Variants in MTOR observed in about 807,000 individuals in gnomAD.
MTOR encodes mechanistic target of rapamycin kinase, also known as serine/threonine-protein kinase mTOR.
A neutral mutation model predicts 319.8 loss-of-function variants in MTOR; 70 were observed. That is an observed-to-expected ratio of 0.22 (90% CI 0.18 to 0.27). The LOEUF is 0.27. MTOR is among the 10% of genes least tolerant of loss of function. The pLI, the probability that MTOR is intolerant of heterozygous loss-of-function variation, is 1.00. For missense variants in MTOR, 1,890 were observed against 3,274.4 expected (o/e 0.58, Z 10.32); for synonymous variants, 1,183 against 1,211.4 (o/e 0.98, Z 0.49).
Position 11,167,454 on chromosome 1 carries a change from G to A in MTOR, c.4317C>T (p.His1439=). The stretch of plus-strand genomic sequence containing the variant: ...ATGAGGTGCTTACCAGCTCTCCAAA[G>A]TGTTTCATGGCATATTCTAACACTC... ...AAGVLEYAMK[H]FGELEIQATW... The change falls in exon 29 of 58, where the codon CAC becomes CAT. Residue 1439 remains histidine (H), a synonymous_variant. Transcript: ENST00000361445. The A allele has an allele frequency of 1.2e-6, 2 of 1,613,366 alleles. No individual in the cohort carries two copies. Among genetic ancestry groups the A allele is most frequent in the East Asian group, 4.5e-5 (2 of 44,874 alleles).
chr1:11,244,961 G>A (rs959865347), intron 8 of MTOR, among the ~76,000 whole-genome samples: 1 of 152,130 alleles, frequency 6.6e-6, no homozygotes, highest in Admixed American at 6.6e-5. Context: ...CTCCTAAGAC[G>A]CATTTCTCAG....
In MTOR at chr1:11,121,949, G is replaced by A. The variant is rs550175353; in HGVS notation, c.6810+30C>T. 4 of 1,611,318 alleles carry A rather than the reference G, an allele frequency of 2.5e-6. No homozygotes were observed. In the South Asian group the frequency reaches 4.4e-5, roughly 18 times the overall value. Reference sequence around the variant, plus strand: ...TACGGAGATTCCCTGCCACGGAAGGGGCACTAGCTCTCGTGGCCGCATCAC... The same window carrying A: ...TACGGAGATTCCCTGCCACGGAAGGAGCACTAGCTCTCGTGGCCGCATCAC... On this transcript the variant is annotated intron_variant, in intron 48 of 57. Coordinates refer to ENST00000361445, the MANE Select transcript of MTOR (RefSeq NM_004958.4). This position sits in a 1 kb window ranked among gnomAD's most constrained non-coding sequence, Gnocchi z 4.9.
intron 10 of MTOR, among the ~76,000 whole-genome samples, chr1:11,241,338 A>C (rs1202284128): frequency 6.6e-6 from 1 of 151,968 alleles, no homozygotes; most frequent in Non-Finnish European, 1.5e-5. Context: ...AAAAAAAAAA[A>C]AAATGAGGCT....
chr1:11,140,371 A>G (rs1643636649), intron 34 of MTOR, among the ~76,000 whole-genome samples: 1 of 152,164 alleles, frequency 6.6e-6, no homozygotes, highest in Non-Finnish European at 1.5e-5. Context: ...CATAAGGAGC[A>G]TGCAACCTGG....
chr1:11,127,788 G>A lies in MTOR; in HGVS notation c.6052C>T (p.Arg2018Ter), dbSNP rs1642915137. 6.2e-7 allele frequency: 1 copy of A among 1,613,278 alleles called. No individual in the cohort carries two copies. The highest frequency in any genetic ancestry group is 8.5e-7 in the Non-Finnish European group (1 of 1,179,674). Residue 2018 changes from arginine (R) to a stop codon, truncating the protein, a stop_gained, in exon 44 of 58, where the codon CGA (arginine) becomes TGA (stop). Coordinates refer to ENST00000361445, the MANE Select transcript of MTOR (RefSeq NM_004958.4). LOFTEE classifies it high-confidence loss of function. The surrounding 1 kb of genome is among the most constrained non-coding windows in gnomAD (Gnocchi z 5.5). ...QAMMVSEELI[R>*]VAILWHEMWH... ...ATCTCATGCCAGAGGATGGCCACTCGGATCAGCTCCTCGCTCACCTGAAGC... is the reference window on the plus strand; with the variant it reads ...ATCTCATGCCAGAGGATGGCCACTCAGATCAGCTCCTCGCTCACCTGAAGC...
intron 54 of MTOR, among the ~76,000 whole-genome samples, chr1:11,110,443 C>T (rs1641802099): frequency 6.6e-6 from 1 of 151,998 alleles, no homozygotes. Context: ...GCTCTTGTTG[C>T]CCAGGCTGGA....
chr1:11,202,510 T>C (rs1398753021), intron 26 of MTOR, among the ~76,000 whole-genome samples: 2 of 151,524 alleles, frequency 1.3e-5, no homozygotes, highest in African/African-American at 4.8e-5. Context: ...ATAGGTACGA[T>C]GTACACTATT....
Position 11,128,668 on chromosome 1 carries a change from T to A in MTOR, c.5812-116A>T, listed in dbSNP as rs1642969838. On this transcript the variant is annotated intron_variant, in intron 41 of 57. Coordinates refer to ENST00000361445, the MANE Select transcript of MTOR (RefSeq NM_004958.4). This position sits in a 1 kb window ranked among gnomAD's most constrained non-coding sequence, Gnocchi z 5.3. Reference sequence around the variant, plus strand: ...CGGTTGATGCTCTGAAATGGTTCATTCCCTTCCCTTTAGTTTCTAAAAGAA... The same window carrying A: ...CGGTTGATGCTCTGAAATGGTTCATACCCTTCCCTTTAGTTTCTAAAAGAA... 1 of 1,145,432 alleles carries A rather than the reference T, an allele frequency of 8.7e-7. No individual in the cohort carries two copies. Among genetic ancestry groups the A allele is most frequent in the African/African-American group, 1.5e-5 (1 of 64,918 alleles). 71.0% of individuals were successfully genotyped at this position (1,145,432 alleles called of 1,614,324 possible).
intron 28 of MTOR, among the ~76,000 whole-genome samples, chr1:11,168,840 C>A (rs921218080): frequency 6.6e-6 from 1 of 152,122 alleles, no homozygotes; most frequent in African/African-American, 2.4e-5. Flanking sequence ...ACTTATGCAA[C>A]TAAGCTCAAT....
chr1:11,128,631 T>C lies in MTOR; in HGVS notation c.5812-79A>G, dbSNP rs1642967808. 1 of 1,403,180 alleles carries C rather than the reference T, an allele frequency of 7.1e-7. No individual in the cohort carries two copies. The highest frequency in any genetic ancestry group is 1.0e-6 in the Non-Finnish European group (1 of 995,384). 86.9% of individuals were successfully genotyped at this position (1,403,180 alleles called of 1,614,324 possible). ...ATTCTTCTAGGCAAAGATCAATTCT[T>C]TTAACTTGTTTCGGTTGATGCTCTG... On this transcript the variant is annotated intron_variant, in intron 41 of 57. Transcript: ENST00000361445. This position sits in a 1 kb window ranked among gnomAD's most constrained non-coding sequence, Gnocchi z 5.3.
intron 36 of MTOR, 137 bp downstream of exon 36, chr1:11,139,167 A>G (rs1171029939): frequency 8.2e-7 from 1 of 1,220,106 alleles, no homozygotes; most frequent in Non-Finnish European, 1.1e-6. Context: ...TAGCTTTGTA[A>G]CAGGAAGAGA....
At chr1:11,192,027 T>A (rs951123600) in intron 28 of MTOR, among the ~76,000 whole-genome samples, 1 of 152,196 alleles carries the variant, frequency 6.6e-6, no homozygotes, top group South Asian at 2.1e-4. Context: ...AAACCACCTG[T>A]TGGAACGTCC....
intron 6 of MTOR, among the ~76,000 whole-genome samples, chr1:11,251,004 C>T (rs938448746): frequency 6.6e-6 from 1 of 152,198 alleles, no homozygotes; most frequent in Non-Finnish European, 1.5e-5. Flanking sequence ...CAATTCCCTC[C>T]TAACTGGATT....
chr1:11,226,002 AG>A (rs1284241446), intron 19 of MTOR, among the ~76,000 whole-genome samples: 6 of 152,334 alleles, frequency 3.9e-5, no homozygotes, highest in African/African-American at 1.2e-4. Flanking sequence ...TCAAGAACAC[AG>A]ATCCAAAAAT....
chr1:11,141,462 A>T (rs1643700270), intron 34 of MTOR, among the ~76,000 whole-genome samples: 1 of 151,910 alleles, frequency 6.6e-6, no homozygotes, highest in Non-Finnish European at 1.5e-5. Flanking sequence ...TCTGCCTCCA[A>T]GGTTCAAGCG....
intron 28 of MTOR, chr1:11,189,824 T>C: frequency 1.2e-6 from 2 of 1,614,160 alleles, no homozygotes; most frequent in Non-Finnish European, 1.7e-6. Flanking sequence ...ATGCAGGTGA[T>C]GGAGCTGGAG....
At chr1:11,152,557 G>A (rs1255708023) in intron 30 of MTOR, 4 of 152,154 alleles carry the variant, frequency 2.6e-5, no homozygotes, top group African/African-American at 9.7e-5. Flanking sequence ...GTTTGAGGAG[G>A]GGGTTCACTT....
At chr1:11,154,403 A>G (rs1644253466) in intron 30 of MTOR, among the ~76,000 whole-genome samples, 1 of 151,818 alleles carries the variant, frequency 6.6e-6, no homozygotes. Flanking sequence ...TTTAATGTTA[A>G]TTTATAAAAA....
chr1:11,137,600 C>T (rs537768352), intron 36 of MTOR, among the ~76,000 whole-genome samples: 3 of 152,294 alleles, frequency 2.0e-5, no homozygotes, highest in Admixed American at 2.0e-4. Context: ...GGACCTGTCA[C>T]TTGGAAGAAG....
Sources: allele counts gnomAD v4.1 joint callset (sites outside exome capture counted in the v4.1 genomes callset), GRCh38; gene constraint gnomAD v4.1.1; non-coding constraint Gnocchi (gnomAD v3.1); transcripts MANE v1.5; gene names NCBI Gene and HGNC (gene_info 2026-07-23, HGNC 2026-07-21).